The following ARK2C variants were observed in gnomAD, a reference collection of about 807,000 sequenced individuals.
The protein encoded by ARK2C is E3 ubiquitin-protein ligase ARK2C.
the ARK2C span, among the ~76,000 whole-genome samples, chr18:46,372,214 C>T: frequency 3.3e-5 from 5 of 152,214 alleles, no homozygotes; most frequent in Non-Finnish European, 5.9e-5. Context: ...CCCTGGGGCC[C>T]TCCTGAGGAT....
the ARK2C span, among the ~76,000 whole-genome samples, chr18:46,339,616 A>C: frequency 4.6e-5 from 7 of 152,242 alleles, no homozygotes; most frequent in African/African-American, 1.7e-4. Context: ...AAACCCCATC[A>C]GTTCAGTGAA....
chr18:46,363,923 C>CT, the ARK2C span, among the ~76,000 whole-genome samples: 18 of 145,862 alleles, frequency 1.2e-4, no homozygotes, highest in Admixed American at 2.7e-4. Context: ...TTTTTCTTTT[C>CT]TTTTTTTTTC....
the ARK2C span, among the ~76,000 whole-genome samples, chr18:46,377,688 G>A: frequency 1.3e-5 from 2 of 152,262 alleles, no homozygotes; most frequent in South Asian, 2.1e-4. Context: ...CATTAATTTC[G>A]CATGAGGGCA....
chr18:46,410,144 T>G, the ARK2C span, among the ~76,000 whole-genome samples: 6 of 152,204 alleles, frequency 3.9e-5, no homozygotes, highest in Non-Finnish European at 5.9e-5. Flanking sequence ...CTTCCACTTC[T>G]AAGGTCACAT....
At chr18:46,443,240 TG>T in the ARK2C span, among the ~76,000 whole-genome samples, 1 of 152,224 alleles carries the variant, frequency 6.6e-6, no homozygotes, top group African/African-American at 2.4e-5. Flanking sequence ...AATTTGTGTC[TG>T]TTTTTTGCCT....
the ARK2C span, among the ~76,000 whole-genome samples, chr18:46,369,093 T>A: frequency 6.6e-6 from 1 of 152,264 alleles, no homozygotes; most frequent in Non-Finnish European, 1.5e-5. Context: ...TTTACACAAC[T>A]AATAAATGGT....
chr18:46,368,615 G>C, the ARK2C span, among the ~76,000 whole-genome samples: 2 of 152,196 alleles, frequency 1.3e-5, no homozygotes, highest in African/African-American at 4.8e-5. Flanking sequence ...CAGCTCTATG[G>C]AGTCGAGTCT....
At chr18:46,391,973 A>G in the ARK2C span, among the ~76,000 whole-genome samples, 6 of 151,692 alleles carry the variant, frequency 4.0e-5, no homozygotes, top group Non-Finnish European at 8.8e-5. Context: ...CACACCATAC[A>G]CAACACACCA....
the ARK2C span, among the ~76,000 whole-genome samples, chr18:46,379,305 C>T: frequency 6.6e-6 from 1 of 152,198 alleles, no homozygotes; most frequent in Non-Finnish European, 1.5e-5. Flanking sequence ...TTGACAAACA[C>T]AAAACCCTCT....
chr18:46,375,884 G>C, the ARK2C span, among the ~76,000 whole-genome samples: 1 of 152,200 alleles, frequency 6.6e-6, no homozygotes, highest in Admixed American at 6.5e-5. Flanking sequence ...TAAGGGCTGG[G>C]GAAATAGCAA....
the ARK2C span, among the ~76,000 whole-genome samples, chr18:46,414,427 C>G: frequency 6.6e-6 from 1 of 152,234 alleles, no homozygotes; most frequent in Non-Finnish European, 1.5e-5. Flanking sequence ...CAGACCACAG[C>G]TGCTCTCTGT....
the ARK2C span, among the ~76,000 whole-genome samples, chr18:46,349,835 A>T: frequency 1.3e-5 from 2 of 152,134 alleles, no homozygotes; most frequent in African/African-American, 4.8e-5. Context: ...CCAGCACCTG[A>T]TGCTCACATC....
chr18:46,398,684 G>A, the ARK2C span, among the ~76,000 whole-genome samples: 8 of 151,954 alleles, frequency 5.3e-5, no homozygotes, highest in Non-Finnish European at 7.4e-5. Flanking sequence ...GAGAGCACAC[G>A]GTCTAGCCCC....
the ARK2C span, among the ~76,000 whole-genome samples, chr18:46,438,908 T>A: frequency 1.3e-5 from 2 of 152,242 alleles, no homozygotes; most frequent in Non-Finnish European, 2.9e-5. Flanking sequence ...GAGCTACTGT[T>A]ATCATCATCT....
the ARK2C span, among the ~76,000 whole-genome samples, chr18:46,454,226 GGAAA>G: frequency 6.7e-6 from 1 of 150,346 alleles, no homozygotes; most frequent in African/African-American, 2.4e-5. Context: ...AACTATTAAA[GGAAA>G]ATCATGAATA....
chr18:46,434,247 A>G, the ARK2C span, among the ~76,000 whole-genome samples: 1 of 152,198 alleles, frequency 6.6e-6, no homozygotes, highest in African/African-American at 2.4e-5. Flanking sequence ...AATGAAGACT[A>G]CGAAGAGCTT....
At chr18:46,442,119 C>T in the ARK2C span, among the ~76,000 whole-genome samples, 1 of 149,626 alleles carries the variant, frequency 6.7e-6, no homozygotes, top group Non-Finnish European at 1.5e-5. Context: ...GTCGAGATCG[C>T]GCCACTGCGC....
the ARK2C span, among the ~76,000 whole-genome samples, chr18:46,408,601 C>T: frequency 2.0e-5 from 3 of 152,302 alleles, no homozygotes; most frequent in Admixed American, 6.5e-5. Context: ...AACTGTGGGG[C>T]ATCCTAAAGG....
chr18:46,428,717 T>A, the ARK2C span, among the ~76,000 whole-genome samples: 1 of 152,218 alleles, frequency 6.6e-6, no homozygotes, highest in South Asian at 2.1e-4. Flanking sequence ...AAAAGCTCAA[T>A]AATTTTTTAC....
Sources: gnomAD v4.1 joint callset for allele counts (sites outside exome capture counted in the v4.1 genomes callset) on GRCh38, gnomAD v4.1.1 for gene constraint, MANE v1.5 for transcripts, NCBI Gene and HGNC (gene_info 2026-07-23, HGNC 2026-07-21) for gene names.